DCUN1D4: variants seen among roughly 807,000 people sequenced by gnomAD.
The protein encoded by DCUN1D4 is DCN1-like protein 4.
DCUN1D4 carries 22 observed loss-of-function variants against 47.9 expected under a neutral mutation model. That is an observed-to-expected ratio of 0.46 (90% CI 0.33 to 0.66). DCUN1D4 has a LOEUF of 0.66. DCUN1D4 is among the 30% of genes least tolerant of loss of function. DCUN1D4 has a pLI of 0.02. For synonymous variants in DCUN1D4, 121 were observed against 112.2 expected, an observed-to-expected ratio of 1.08 and a Z score of -0.50; for missense variants, 301 against 340.8, an observed-to-expected ratio of 0.88 and a Z score of 0.92.
intron 8 of DCUN1D4, chr4:51,905,323 C>T (rs1732713095): frequency 2.5e-6 from 1 of 405,326 alleles, no homozygotes; most frequent in Non-Finnish European, 5.1e-6. Context: ...ACGTCCAGGC[C>T]AGTGTCCTTC....
Position 51,843,217 on chromosome 4 carries a change from G to A in DCUN1D4, c.-26G>A, listed in dbSNP as rs1244031366. The A allele has an allele frequency of 3.2e-6, 5 of 1,540,066 alleles. No homozygotes were observed. In the East Asian group the frequency reaches 1.0e-4, roughly 31 times the overall value. ...CGAGGCGAGCGCGGGAGCCTGGGCG[G>A]CGAGCCGGGTGTGAGCTGCCTGAAA... On this transcript the variant is annotated 5_prime_UTR_variant, in exon 1 of 11. Transcript: ENST00000334635.
intron 1 of DCUN1D4, among the ~76,000 whole-genome samples, chr4:51,857,571 A>C (rs1294319317): frequency 6.6e-6 from 1 of 152,046 alleles, no homozygotes. Context: ...TGATGTGGGG[A>C]TTATGTTTGT....
intron 1 of DCUN1D4, chr4:51,844,892 C>T (rs57035235): frequency 3.2e-5 from 32 of 985,312 alleles, no homozygotes; most frequent in Middle Eastern, 5.2e-4. Flanking sequence ...TCGGCCAACT[C>T]GTGCTTTATT....
intron 5 of DCUN1D4, among the ~76,000 whole-genome samples, chr4:51,880,368 G>A (rs1168124813): frequency 6.6e-6 from 1 of 152,218 alleles, no homozygotes; most frequent in Admixed American, 6.5e-5. Flanking sequence ...GGTTTGGGCT[G>A]AGGATAAATG....
intron 9 of DCUN1D4, among the ~76,000 whole-genome samples, chr4:51,912,265 TAA>T (rs1409723034): frequency 2.6e-5 from 4 of 152,132 alleles, no homozygotes; most frequent in Non-Finnish European, 5.9e-5. Flanking sequence ...CACCTGTGTG[TAA>T]AGAGTCTTAA....
chr4:51,892,337 G>T (rs4865416), intron 7 of DCUN1D4, among the ~76,000 whole-genome samples: 1 of 151,802 alleles, frequency 6.6e-6, no homozygotes, highest in African/African-American at 2.4e-5. Flanking sequence ...GGTTTATTTT[G>T]TGATCCATCT....
rs934556572 is a variant in DCUN1D4, at chr4:51,913,770, G to C, written c.*186G>C. On this transcript the variant is annotated 3_prime_UTR_variant, in exon 11 of 11. Coordinates refer to ENST00000334635, the MANE Select transcript of DCUN1D4 (RefSeq NM_001040402.3). ...CTGTGTGGCATTGTTCTCTTGGAAGGCTGCTTTGCAGTTTGTATTTACACT... is the reference window on the plus strand; with the variant it reads ...CTGTGTGGCATTGTTCTCTTGGAAGCCTGCTTTGCAGTTTGTATTTACACT... 4 of 553,028 alleles carry C rather than the reference G, an allele frequency of 7.2e-6. No homozygotes were observed. In the Admixed American group the frequency reaches 9.7e-5, roughly 13 times the overall value. The allele number at this position is 553,028 out of a possible 1,614,324, so 34.3% of individuals were successfully genotyped here. A position where few individuals can be genotyped will look rare whatever the true frequency, so the allele number is the denominator to read the frequency against.
chr4:51,869,186 A>T (rs1027445600), intron 3 of DCUN1D4, among the ~76,000 whole-genome samples: 4 of 151,430 alleles, frequency 2.6e-5, no homozygotes, highest in Non-Finnish European at 4.4e-5. Context: ...ATAAAAAAAA[A>T]TGAGTAGGGA....
chr4:51,912,366 G>A (rs539025557), intron 9 of DCUN1D4, among the ~76,000 whole-genome samples: 2 of 152,208 alleles, frequency 1.3e-5, no homozygotes, highest in Admixed American at 6.5e-5. Context: ...GCTTTTACCT[G>A]CTTAGAAAGT....
intron 1 of DCUN1D4, chr4:51,845,179 G>A: frequency 1.0e-6 from 1 of 985,458 alleles, no homozygotes; most frequent in South Asian, 4.7e-5. Context: ...TTTAATTTTG[G>A]CATCCAGTGT....
chr4:51,869,289 A>G (rs1360396134), intron 3 of DCUN1D4, among the ~76,000 whole-genome samples: 1 of 152,200 alleles, frequency 6.6e-6, no homozygotes, highest in Non-Finnish European at 1.5e-5. Context: ...TGAAATAAAA[A>G]TATTAGCTAC....
intron 9 of DCUN1D4, 23 bp from the exon 10 acceptor site, chr4:51,913,267 C>T (rs748172614): frequency 1.4e-6 from 2 of 1,427,176 alleles, no homozygotes; most frequent in African/African-American, 1.4e-5. Context: ...GTCAGTAATT[C>T]ATATTACTTT....
rs577622215 is a variant in DCUN1D4, at chr4:51,901,804, CAATT to C, written c.615+2430_615+2433del. On this transcript the variant is annotated intron_variant, in intron 8 of 10. Transcript: ENST00000334635. The stretch of plus-strand genomic sequence containing the variant: ...CATCCTTTGTTTTAAAGGAGAGTCT[CAATT>C]AATATTGGTGAATTAAGCCCTTTCA... Among the ~76,000 whole-genome samples the C allele has an allele frequency of 1.6e-4, 25 of 152,256 alleles. No individual in the cohort carries two copies. In the East Asian group the frequency reaches 4.3e-3, roughly 26 times the overall value.
intron 6 of DCUN1D4, among the ~76,000 whole-genome samples, chr4:51,889,336 G>A (rs1730060861): frequency 6.6e-6 from 1 of 152,144 alleles, no homozygotes; most frequent in South Asian, 2.1e-4. Flanking sequence ...TGCATTGATG[G>A]GCAAGCACGT....
At chr4:51,896,882 A>G (rs1038540865) in intron 7 of DCUN1D4, among the ~76,000 whole-genome samples, 2 of 151,792 alleles carry the variant, frequency 1.3e-5, no homozygotes, top group African/African-American at 4.8e-5. Flanking sequence ...AATTTTAAAA[A>G]CCCTCACTGT....
intron 7 of DCUN1D4, among the ~76,000 whole-genome samples, chr4:51,892,386 C>T (rs1374285391): frequency 6.6e-6 from 1 of 152,146 alleles, no homozygotes; most frequent in African/African-American, 2.4e-5. Context: ...TCAGTAGTCA[C>T]ATGTGGCCAG....
At chr4:51,886,725 A>C (rs1729533503) in intron 6 of DCUN1D4, 87 bp downstream of exon 6, 1 of 1,130,072 alleles carries the variant, frequency 8.8e-7, no homozygotes, top group Non-Finnish European at 1.3e-6. Context: ...TAAATAATTA[A>C]AAAGTAGTGG....
At position 51,886,647 on chromosome 4, in the gene DCUN1D4, A is replaced by G. The variant is rs748150926; in HGVS notation, c.414+9A>G. 1.7e-5 allele frequency: 27 copies of G among 1,612,232 alleles called. No individual in the cohort carries two copies. The Admixed American group carries it at 3.3e-4, about 20-fold the overall frequency. On this transcript the variant is annotated intron_variant, in intron 6 of 10. Coordinates refer to ENST00000334635, the MANE Select transcript of DCUN1D4 (RefSeq NM_001040402.3). ...GTGTTGAACCAGAAAACGTGAGTCA[A>G]ACTTACTGAGTTGGGTGAATCAGTT...
At chr4:51,867,745 G>A (rs1726192259) in intron 3 of DCUN1D4, among the ~76,000 whole-genome samples, 1 of 152,202 alleles carries the variant, frequency 6.6e-6, no homozygotes, top group African/African-American at 2.4e-5. Context: ...AGCACCATAA[G>A]TTCTCACTCT....
Sources: allele counts gnomAD v4.1 joint callset (sites outside exome capture counted in the v4.1 genomes callset), GRCh38; gene constraint gnomAD v4.1.1; transcripts MANE v1.5; gene names NCBI Gene and HGNC (gene_info 2026-07-23, HGNC 2026-07-21).